The following LRFN5 variants were observed in gnomAD, a reference collection of about 807,000 sequenced individuals.
LRFN5 encodes leucine-rich repeat and fibronectin type-III domain-containing protein 5.
LRFN5 carries 24 observed loss-of-function variants against 45.6 expected under a neutral mutation model. The observed-to-expected ratio is 0.53, with a 90% CI of 0.38 to 0.74. LRFN5 has a LOEUF of 0.74. Ranked by LOEUF, LRFN5 falls within the 30% of genes least tolerant of loss-of-function variation. LRFN5 has a pLI of 0.00. For synonymous variants in LRFN5, 340 were observed against 313.8 expected (o/e 1.08, Z -0.88); for missense variants, 776 against 861.5 (o/e 0.90, Z 1.24).
chr14:41,739,101 A>T (rs773184134), intron 1 of LRFN5, among the ~76,000 whole-genome samples: 13 of 152,160 alleles, frequency 8.5e-5, no homozygotes, highest in Non-Finnish European at 1.8e-4. Context: ...CAATAATAGG[A>T]GCAGGCTGGA....
intron 2 of LRFN5, among the ~76,000 whole-genome samples, chr14:41,854,502 A>T (rs1419704931): frequency 6.6e-6 from 1 of 152,162 alleles, no homozygotes; most frequent in African/African-American, 2.4e-5. Flanking sequence ...CTAGAACTTA[A>T]AAAAAGAAAA....
chr14:41,869,771 C>T (rs1204796815), intron 2 of LRFN5, among the ~76,000 whole-genome samples: 1 of 151,988 alleles, frequency 6.6e-6, no homozygotes, highest in Non-Finnish European at 1.5e-5. Context: ...TCTTGTGAGA[C>T]GTGTTCACTA....
intron 1 of LRFN5, among the ~76,000 whole-genome samples, chr14:41,761,064 A>G (rs1885642876): frequency 1.3e-5 from 2 of 152,092 alleles, no homozygotes; most frequent in African/African-American, 4.8e-5. Context: ...AATAGATAAG[A>G]TATTGATTTA....
chr14:41,757,693 C>A (rs1486028747), intron 1 of LRFN5, among the ~76,000 whole-genome samples: 1 of 152,190 alleles, frequency 6.6e-6, no homozygotes, highest in Non-Finnish European at 1.5e-5. Context: ...TTCCCTGACC[C>A]CTTGCGCTTG....
At chr14:41,857,730 A>C (rs17781486) in intron 2 of LRFN5, among the ~76,000 whole-genome samples, 38,113 of 152,192 alleles carry the variant, frequency 0.25, 5,020 homozygotes, top group South Asian at 0.39. Context: ...ATTACTGTTC[A>C]GTCTTCCAAG....
intron 4 of LRFN5, chr14:41,892,600 ATGT>A (rs1890823580): frequency 2.0e-6 from 2 of 981,922 alleles, no homozygotes; most frequent in Non-Finnish European, 2.4e-6. Flanking sequence ...TTTTAGGGAA[ATGT>A]TGTAGAGAAC....
chr14:41,892,885 T>C (rs1890830556), intron 4 of LRFN5: 2 of 985,192 alleles, frequency 2.0e-6, no homozygotes, highest in Non-Finnish European at 2.4e-6. Context: ...TTAATACACA[T>C]TTTTTGAATG....
At chr14:41,802,269 T>C (rs114867824) in intron 2 of LRFN5, among the ~76,000 whole-genome samples, 45 of 152,218 alleles carry the variant, frequency 3.0e-4, no homozygotes, top group African/African-American at 1.1e-3. Context: ...TGGGGATTTA[T>C]AGCCGAGGAA....
chr14:41,892,968 G>C, intron 4 of LRFN5: 4 of 985,204 alleles, frequency 4.1e-6, no homozygotes, highest in Non-Finnish European at 4.8e-6. Context: ...TATCAAAGGG[G>C]TGTTTATTTT....
chr14:41,885,291 C>T (rs748991308), intron 2 of LRFN5, among the ~76,000 whole-genome samples: 4 of 148,722 alleles, frequency 2.7e-5, no homozygotes, highest in Non-Finnish European at 5.9e-5. Context: ...CACCACTGCA[C>T]TGCACAGCTT....
At chr14:41,757,130 A>G (rs1266001821) in intron 1 of LRFN5, among the ~76,000 whole-genome samples, 1 of 152,136 alleles carries the variant, frequency 6.6e-6, no homozygotes, top group Non-Finnish European at 1.5e-5. Flanking sequence ...TTTGTCTCAG[A>G]GGAGTACCCG....
At position 41,840,600 on chromosome 14, in the gene LRFN5, G is replaced by A. The variant is rs1224105586; in HGVS notation, c.-20-46006G>A. On this transcript the variant is annotated intron_variant, in intron 2 of 5. Coordinates refer to ENST00000298119, the MANE Select transcript of LRFN5 (RefSeq NM_152447.5). ...AAGAACTCTGGTGTACCTCTCCTAG[G>A]CATAAATATTTTCTGTGTACATCAA... is the stretch of plus-strand genomic sequence containing the variant. 2.6e-5 allele frequency among the ~76,000 whole-genome samples: 4 copies of A among 151,852 alleles called. No homozygotes were observed. The East Asian group carries it at 7.7e-4, about 29-fold the overall frequency.
intron 1 of LRFN5, among the ~76,000 whole-genome samples, chr14:41,668,483 C>T (rs1881012891): frequency 1.3e-5 from 2 of 151,880 alleles, no homozygotes; most frequent in Admixed American, 6.6e-5. Flanking sequence ...GTTGTATCAC[C>T]CCTCCTATCC....
intron 2 of LRFN5, among the ~76,000 whole-genome samples, chr14:41,832,881 T>C (rs1888534418): frequency 6.6e-6 from 1 of 152,176 alleles, no homozygotes; most frequent in African/African-American, 2.4e-5. Flanking sequence ...TTCTTTTCTT[T>C]TATGTAAGAT....
chr14:41,891,311 G>A lies in LRFN5; in HGVS notation c.1447G>A (p.Asp483Asn). The stretch of plus-strand genomic sequence containing the variant: ...TAATCTGGCTGCTGGAACTATGTAT[G>A]ACTTGTGTGTCTTGGCCATATATGA... ...VNNLAAGTMY[D>N]LCVLAIYDDG... Residue 483 changes from aspartate (D) to asparagine (N), a missense_variant, in exon 4 of 6, where the codon GAC becomes AAC. Transcript: ENST00000298119. The A allele has an allele frequency of 1.2e-6, 2 of 1,614,070 alleles. No homozygotes were observed. Among genetic ancestry groups the A allele is most frequent in the South Asian group, 2.2e-5 (2 of 91,066 alleles).
intron 2 of LRFN5, among the ~76,000 whole-genome samples, chr14:41,830,193 T>G (rs1348739119): frequency 6.6e-6 from 1 of 151,894 alleles, no homozygotes; most frequent in Non-Finnish European, 1.5e-5. Flanking sequence ...TATATCTGTC[T>G]TTTTTCAATT....
At chr14:41,731,295 T>G (rs948626751) in intron 1 of LRFN5, 2 of 151,430 alleles carry the variant, frequency 1.3e-5, no homozygotes, top group African/African-American at 4.8e-5. Context: ...TCTGAAATGC[T>G]CTCTCTCTCT....
chr14:41,631,339 G>A (rs1475105387), intron 1 of LRFN5, among the ~76,000 whole-genome samples: 2 of 151,824 alleles, frequency 1.3e-5, no homozygotes, highest in Non-Finnish European at 2.9e-5. Flanking sequence ...AAATCTAATT[G>A]ATCCTTCAGA....
At position 41,790,944 on chromosome 14, in the gene LRFN5, T is replaced by A. The variant is rs544541249; in HGVS notation, c.-21+23915T>A. Among the ~76,000 whole-genome samples the A allele has an allele frequency of 3.3e-5, 5 of 151,934 alleles. No homozygotes were observed. The East Asian group carries it at 7.8e-4, about 24-fold the overall frequency. On this transcript the variant is annotated intron_variant, in intron 2 of 5. Transcript: ENST00000298119. ...GACTAAATCCTTTATATACTTAATG[T>A]CTTTTTTCTTTTTAGTCTATCAGTA... is the stretch of plus-strand genomic sequence containing the variant.
Sources: gnomAD v4.1 joint callset for allele counts (sites outside exome capture counted in the v4.1 genomes callset) on GRCh38, gnomAD v4.1.1 for gene constraint, MANE v1.5 for transcripts, NCBI Gene and HGNC (gene_info 2026-07-23, HGNC 2026-07-21) for gene names.